Variants in HIP1 observed in about 807,000 individuals in gnomAD.
HIP1 encodes huntingtin-interacting protein 1.
Under a neutral mutation model 147.6 loss-of-function variants are expected in HIP1, and 65 were observed. The ratio of observed to expected loss-of-function variants is 0.44; its 90% CI spans 0.36 to 0.54. The LOEUF is 0.54. HIP1 is among the 20% of genes least tolerant of loss of function. The pLI is 0.00. For synonymous variants in HIP1, 479 were observed against 504.0 expected (o/e 0.95, Z 0.67); for missense variants, 1,061 against 1,299.6 (o/e 0.82, Z 2.82).
At chr7:75,653,469 A>G (rs1799055198) in intron 1 of HIP1, among the ~76,000 whole-genome samples, 1 of 151,978 alleles carries the variant, frequency 6.6e-6, no homozygotes, top group African/African-American at 2.4e-5. Flanking sequence ...CCTGGGCAAC[A>G]TAGTGAGACC....
At chr7:75,715,774 C>CAAAAAAAAAAAAAAAA (rs34769081) in intron 1 of HIP1, among the ~76,000 whole-genome samples, 5 of 36,714 alleles carry the variant, frequency 1.4e-4, no homozygotes, top group African/African-American at 2.3e-4. Context: ...GATCCTGTCT[C>CAAAAAAAAAAAAAAAA]AAAAAAAAAA....
At chr7:75,714,663 G>A (rs902601762) in intron 1 of HIP1, among the ~76,000 whole-genome samples, 4 of 151,716 alleles carry the variant, frequency 2.6e-5, no homozygotes, top group African/African-American at 9.7e-5. Flanking sequence ...ATGTTGGCCA[G>A]GCTGGTCTTG....
At chr7:75,667,609 C>T (rs1799601878) in intron 1 of HIP1, among the ~76,000 whole-genome samples, 1 of 152,128 alleles carries the variant, frequency 6.6e-6, no homozygotes, top group African/African-American at 2.4e-5. Context: ...TCTCAGCCTC[C>T]CAAGTAGCTG....
At chr7:75,634,215 G>A (rs142655179) in intron 1 of HIP1, among the ~76,000 whole-genome samples, 14 of 151,874 alleles carry the variant, frequency 9.2e-5, no homozygotes, top group Non-Finnish European at 1.8e-4. Context: ...AGCTGTGATC[G>A]CACCACTGCA....
rs781894663 is a variant in HIP1 at position 75,592,520 on chromosome 7, G to T, written c.185-6C>A. On this transcript the variant is annotated splice_polypyrimidine_tract_variant and splice_region_variant and intron_variant, in intron 2 of 30. Coordinates refer to ENST00000336926, the MANE Select transcript of HIP1 (RefSeq NM_005338.7). ...GTGGGTGCCCAGTATGCACGGTGAG[G>T]GGGGGTTATGGAAAACAACGGATGG... 1.9e-6 allele frequency: 3 copies of T among 1,607,630 alleles called. No homozygotes were observed. The highest frequency in any genetic ancestry group is 1.8e-5 in the Admixed American group (1 of 56,884).
At chr7:75,616,309 G>A (rs1797659894) in intron 1 of HIP1, among the ~76,000 whole-genome samples, 1 of 151,880 alleles carries the variant, frequency 6.6e-6, no homozygotes, top group Non-Finnish European at 1.5e-5. Context: ...TTGCTCTGTT[G>A]CCCAGGCTGC....
intron 2 of HIP1, among the ~76,000 whole-genome samples, chr7:75,595,980 G>A (rs1044216524): frequency 1.3e-5 from 2 of 152,146 alleles, no homozygotes; most frequent in Non-Finnish European, 2.9e-5. Flanking sequence ...GCTCACGCCT[G>A]TAATTGCAGC....
intron 1 of HIP1, among the ~76,000 whole-genome samples, chr7:75,601,261 C>T (rs1439370481): frequency 6.6e-6 from 1 of 151,976 alleles, no homozygotes; most frequent in Non-Finnish European, 1.5e-5. Context: ...CAGTTACAAG[C>T]CACAACCAGA....
chr7:75,690,109 C>G (rs1421172755), intron 1 of HIP1, among the ~76,000 whole-genome samples: 1 of 151,994 alleles, frequency 6.6e-6, no homozygotes, highest in Non-Finnish European at 1.5e-5. Flanking sequence ...CCAATTTTTA[C>G]AAAAAAATTT....
Position 75,536,285 on chromosome 7 carries a change from A to C in HIP1, c.*1887T>G, listed in dbSNP as rs940930927. ...TCACACGTCTGAGTATGGTCATCCGAGGTCCTGGGAGAGAGTTTTTTGAAT... is the reference window on the plus strand; with the variant it reads ...TCACACGTCTGAGTATGGTCATCCGCGGTCCTGGGAGAGAGTTTTTTGAAT... On this transcript the variant is annotated 3_prime_UTR_variant, in exon 31 of 31. Transcript: ENST00000336926. 3.2e-5 allele frequency: 6 copies of C among 188,894 alleles called. No homozygotes were observed. The highest frequency in any genetic ancestry group is 1.5e-4 in the African/African-American group (6 of 39,780). 11.7% of individuals were successfully genotyped at this position (188,894 alleles called of 1,614,324 possible).
At chr7:75,650,381 G>A (rs1798931614) in intron 1 of HIP1, among the ~76,000 whole-genome samples, 1 of 151,840 alleles carries the variant, frequency 6.6e-6, no homozygotes, top group Non-Finnish European at 1.5e-5. Flanking sequence ...TGCCAGCCTT[G>A]TACTGGGGAG....
chr7:75,672,256 A>G (rs1318530617), intron 1 of HIP1, among the ~76,000 whole-genome samples: 1 of 151,358 alleles, frequency 6.6e-6, no homozygotes, highest in Non-Finnish European at 1.5e-5. Context: ...TATTCTGGGT[A>G]TCAATTCCTT....
At chr7:75,726,896 C>T (rs900899084) in intron 1 of HIP1, among the ~76,000 whole-genome samples, 4 of 151,856 alleles carry the variant, frequency 2.6e-5, no homozygotes, top group African/African-American at 9.7e-5. Context: ...AGGCTGGTCT[C>T]GAACTCCTGA....
intron 1 of HIP1, among the ~76,000 whole-genome samples, chr7:75,663,934 GTATATA>G (rs72121686): frequency 1.6e-4 from 4 of 25,170 alleles, no homozygotes; most frequent in Admixed American, 1.4e-3. Flanking sequence ...ATGTATGTGT[GTATATA>G]TATATATACA....
At chr7:75,621,006 G>A (rs1554507006) in intron 1 of HIP1, among the ~76,000 whole-genome samples, 1 of 152,120 alleles carries the variant, frequency 6.6e-6, no homozygotes, top group Non-Finnish European at 1.5e-5. Flanking sequence ...GAGGAGGCAG[G>A]ACTGCTTGAG....
At chr7:75,607,059 A>G (rs940305783) in intron 1 of HIP1, among the ~76,000 whole-genome samples, 3 of 151,740 alleles carry the variant, frequency 2.0e-5, no homozygotes, top group Admixed American at 2.0e-4. Context: ...GCGAGACCCC[A>G]TCTCTAAAAA....
chr7:75,642,636 G>T (rs559444656), intron 1 of HIP1, among the ~76,000 whole-genome samples: 1 of 152,126 alleles, frequency 6.6e-6, no homozygotes, highest in Non-Finnish European at 1.5e-5. Flanking sequence ...CTCCCACCCT[G>T]CCCATCCATC....
chr7:75,702,349 C>T (rs901148976), intron 1 of HIP1, among the ~76,000 whole-genome samples: 2 of 152,132 alleles, frequency 1.3e-5, no homozygotes, highest in Non-Finnish European at 2.9e-5. Flanking sequence ...ACCCCATGAT[C>T]TGCCTGCCTC....
intron 1 of HIP1, among the ~76,000 whole-genome samples, chr7:75,691,091 TGG>T: frequency 6.6e-6 from 1 of 152,158 alleles, no homozygotes; most frequent in Middle Eastern, 3.2e-3. Flanking sequence ...ATTACGGGAA[TGG>T]AGTTCTGATA....
Sources: allele counts gnomAD v4.1 joint callset (sites outside exome capture counted in the v4.1 genomes callset), GRCh38; gene constraint gnomAD v4.1.1; transcripts MANE v1.5; gene names NCBI Gene and HGNC (gene_info 2026-07-23, HGNC 2026-07-21).